Variants in SOX5 observed in about 807,000 individuals in gnomAD.
SOX5 encodes SRY-box transcription factor 5.
In SOX5, 9 loss-of-function variants were observed where a neutral mutation model predicts 92.0. That is an observed-to-expected ratio of 0.10 (90% CI 0.06 to 0.17). The LOEUF is 0.17. Ranked by LOEUF, SOX5 falls within the 10% of genes least tolerant of loss-of-function variation. SOX5 has a pLI of 1.00. For missense variants in SOX5, 642 were observed against 944.5 expected, an observed-to-expected ratio of 0.68 and a Z score of 4.20; for synonymous variants, 344 against 336.3, an observed-to-expected ratio of 1.02 and a Z score of -0.25.
chr12:23,611,936 A>T (rs564650260), intron 8 of SOX5, among the ~76,000 whole-genome samples: 1 of 152,044 alleles, frequency 6.6e-6, no homozygotes, highest in Admixed American at 6.6e-5. Flanking sequence ...AAAAAAAAAA[A>T]ACACATTAAG....
At chr12:23,866,190 T>C (rs760847820) in intron 2 of SOX5, among the ~76,000 whole-genome samples, 3 of 152,158 alleles carry the variant, frequency 2.0e-5, no homozygotes, top group Non-Finnish European at 4.4e-5. Flanking sequence ...CACTATGGCA[T>C]AAGTATAACA....
chr12:24,509,179 G>T (rs1949078174), intron 1 of SOX5, among the ~76,000 whole-genome samples: 1 of 152,114 alleles, frequency 6.6e-6, no homozygotes, highest in Non-Finnish European at 1.5e-5. Flanking sequence ...TTAAAATGAA[G>T]CCTATGAACT....
Position 24,023,291 on chromosome 12 carries a change from C to T in SOX5, c.-1-127267G>A, listed in dbSNP as rs55965318. 8.5e-3 allele frequency among the ~76,000 whole-genome samples: 1,294 copies of T among 152,208 alleles called. 8 individuals carry two copies. The highest frequency in any genetic ancestry group is 0.014 in the Non-Finnish European group (961 of 67,986). On this transcript the variant is annotated intron_variant, in intron 4 of 4. Coordinates refer to the SOX5 transcript ENST00000446891. ...CTGAGGATTATTCTTCAAGTTTCTT[C>T]TTAAAGCCACTTCATTTCCTTTCCC...
intron 1 of SOX5, among the ~76,000 whole-genome samples, chr12:24,541,172 T>C (rs1262626265): frequency 6.6e-6 from 1 of 152,216 alleles, no homozygotes; most frequent in Non-Finnish European, 1.5e-5. Context: ...TTATACTTTT[T>C]CACACATTAT....
intron 1 of SOX5, among the ~76,000 whole-genome samples, chr12:24,388,542 C>T (rs996208332): frequency 6.6e-6 from 1 of 152,136 alleles, no homozygotes; most frequent in Non-Finnish European, 1.5e-5. Context: ...CAACAGCCTG[C>T]TATCATTATC....
At position 23,633,989 on chromosome 12, in the gene SOX5, G is replaced by C. The variant is rs140825663; in HGVS notation, c.1017+6823C>G. ...GAAAGAGCAGGAGAGACAGAGAGCT[G>C]TGGATTTTTCATACTCTTAGAATCT... is the stretch of plus-strand genomic sequence containing the variant. On this transcript the variant is annotated intron_variant, in intron 8 of 14. Transcript: ENST00000451604. Among the ~76,000 whole-genome samples, 195 of 150,830 alleles carry C rather than the reference G, an allele frequency of 1.3e-3. 1 individual carries two copies. The highest frequency in any genetic ancestry group is 4.2e-3 in the African/African-American group (175 of 41,512).
At chr12:23,899,751 C>T (rs1242221595) in intron 1 of SOX5, among the ~76,000 whole-genome samples, 2 of 152,176 alleles carry the variant, frequency 1.3e-5, no homozygotes, top group African/African-American at 4.8e-5. Context: ...GCAAAATCTT[C>T]CAAATCATCA....
chr12:23,581,581 A>T (rs1399499999), intron 9 of SOX5, among the ~76,000 whole-genome samples: 2 of 152,036 alleles, frequency 1.3e-5, no homozygotes, highest in East Asian at 3.8e-4. Flanking sequence ...TTATCCAATC[A>T]TCCATACATT....
chr12:24,282,385 AAAAT>A (rs143690567), intron 2 of SOX5, among the ~76,000 whole-genome samples: 6,809 of 151,656 alleles, frequency 0.045, 515 homozygotes, highest in African/African-American at 0.16. Flanking sequence ...TAAAAATTAA[AAAAT>A]AAATAAATAA....
chr12:23,598,276 T>C (rs1292271779), intron 9 of SOX5, among the ~76,000 whole-genome samples: 1 of 152,116 alleles, frequency 6.6e-6, no homozygotes, highest in Non-Finnish European at 1.5e-5. Flanking sequence ...GTTATGGTTA[T>C]ATTGAGCAGT....
intron 9 of SOX5, among the ~76,000 whole-genome samples, chr12:23,582,711 T>G (rs1950216242): frequency 6.6e-6 from 1 of 152,142 alleles, no homozygotes; most frequent in African/African-American, 2.4e-5. Context: ...CTTATTTAGC[T>G]GAGGGTAATA....
At chr12:23,928,326 A>C (rs1006875158) in intron 1 of SOX5, among the ~76,000 whole-genome samples, 2 of 151,978 alleles carry the variant, frequency 1.3e-5, no homozygotes, top group African/African-American at 4.8e-5. Context: ...CTCTATCCTT[A>C]ATGTTGCTCA....
chr12:24,417,442 T>C (rs1965212580), intron 1 of SOX5, among the ~76,000 whole-genome samples: 1 of 152,348 alleles, frequency 6.6e-6, no homozygotes, highest in Middle Eastern at 3.4e-3. Context: ...AAAGGCTCTT[T>C]ATACTTCCCT....
intron 4 of SOX5, among the ~76,000 whole-genome samples, chr12:24,088,936 C>T (rs1944326538): frequency 6.6e-6 from 1 of 151,954 alleles, no homozygotes; most frequent in Non-Finnish European, 1.5e-5. Context: ...TGAATCATTG[C>T]CAATTTCTTT....
At chr12:24,422,353 A>C (rs961124128) in intron 1 of SOX5, among the ~76,000 whole-genome samples, 2 of 152,184 alleles carry the variant, frequency 1.3e-5, no homozygotes, top group Non-Finnish European at 2.9e-5. Context: ...AATTCTATCA[A>C]AAAAATATGA....
intron 4 of SOX5, among the ~76,000 whole-genome samples, chr12:24,105,147 C>A (rs1307823881): frequency 3.9e-5 from 6 of 152,134 alleles, no homozygotes; most frequent in Non-Finnish European, 8.8e-5. Flanking sequence ...ATCTGCTATA[C>A]CAAAGGTAAA....
At chr12:23,551,557 T>C (rs1342404294) in intron 11 of SOX5, among the ~76,000 whole-genome samples, 2 of 151,766 alleles carry the variant, frequency 1.3e-5, no homozygotes, top group Non-Finnish European at 3.0e-5. Flanking sequence ...CTAACAAAAG[T>C]ACATGTTGAA....
In SOX5 at chr12:24,344,094, C is replaced by A. The variant is rs539493409; in HGVS notation, c.-174+24469G>T. Among the ~76,000 whole-genome samples the A allele has an allele frequency of 1.2e-4, 18 of 151,988 alleles. No homozygotes were observed. In the South Asian group the frequency reaches 3.8e-3, roughly 32 times the overall value. ...GGTCAGGAGATTGAGGCCATCCTGA[C>A]CAACATGGTGAAACCCCGTCTCTAC... On this transcript the variant is annotated intron_variant, in intron 2 of 4. Transcript: ENST00000446891.
At chr12:23,817,087 C>G (rs1244852926) in intron 3 of SOX5, among the ~76,000 whole-genome samples, 1 of 152,162 alleles carries the variant, frequency 6.6e-6, no homozygotes, top group Non-Finnish European at 1.5e-5. Flanking sequence ...AGAATTCAAG[C>G]AGTTTTGGTT....
Sources: allele counts gnomAD v4.1 joint callset (sites outside exome capture counted in the v4.1 genomes callset), GRCh38; gene constraint gnomAD v4.1.1; transcripts MANE v1.5; gene names NCBI Gene and HGNC (gene_info 2026-07-23, HGNC 2026-07-21).